The following ERC2 variants were observed in gnomAD, a reference collection of about 807,000 sequenced individuals.
The protein encoded by ERC2 is ERC protein 2.
In ERC2, 42 loss-of-function variants were observed where a neutral mutation model predicts 114.8. The ratio of observed to expected loss-of-function variants is 0.37; its 90% CI spans 0.29 to 0.47. The LOEUF is 0.47. Ranked by LOEUF, ERC2 falls within the 20% of genes least tolerant of loss-of-function variation. ERC2 has a pLI of 0.99. For missense variants in ERC2, 939 were observed against 1,150.7 expected (o/e 0.82, Z 2.66); for synonymous variants, 454 against 425.5 (o/e 1.07, Z -0.82).
intron 13 of ERC2, among the ~76,000 whole-genome samples, chr3:55,904,309 G>T (rs951767821): frequency 1.3e-5 from 2 of 152,142 alleles, no homozygotes; most frequent in Non-Finnish European, 2.9e-5. Context: ...CACACAAGTT[G>T]AAACCATCTA....
intron 2 of ERC2, among the ~76,000 whole-genome samples, chr3:56,410,210 A>G (rs967828824): frequency 1.3e-5 from 2 of 152,244 alleles, no homozygotes; most frequent in Non-Finnish European, 2.9e-5. Flanking sequence ...TGGGATATAT[A>G]TAGAGAGCAA....
At chr3:56,103,741 G>C (rs2078486330) in intron 6 of ERC2, among the ~76,000 whole-genome samples, 1 of 134,622 alleles carries the variant, frequency 7.4e-6, no homozygotes, top group Non-Finnish European at 1.6e-5. Context: ...AAAACTAGAA[G>C]TGTATCTATC....
rs753548634 is a variant in ERC2, at chr3:55,888,475, T to C, written c.2478A>G (p.Thr826=). ...CTTCTTTTTCGGCCAGGGACTGTTG[T>C]GTGGAGGCGAGGCGTGCTTTGGTGG... is the stretch of plus-strand genomic sequence containing the variant. ...LDATKARLAS[T]QQSLAEKEAH... is the part of the protein sequence containing the mutation. The change falls in exon 14 of 18, where the codon ACA becomes ACG. Residue 826 remains threonine (T), a synonymous_variant. Transcript: ENST00000288221. 1.1e-5 allele frequency: 17 copies of C among 1,613,756 alleles called. No individual in the cohort carries two copies. In the Admixed American group the frequency reaches 2.8e-4, roughly 27 times the overall value.
intron 3 of ERC2, among the ~76,000 whole-genome samples, chr3:56,238,291 A>G (rs2051097890): frequency 6.6e-6 from 1 of 152,204 alleles, no homozygotes. Flanking sequence ...ATAGGTGTTT[A>G]GTGTTGAAGT....
intron 6 of ERC2, among the ~76,000 whole-genome samples, chr3:56,095,202 C>T (rs113205829): frequency 3.9e-5 from 6 of 152,112 alleles, no homozygotes; most frequent in African/African-American, 1.4e-4. Flanking sequence ...TGCTCTCCAG[C>T]CTATGCAACA....
chr3:55,625,142 C>T (rs968934880), intron 17 of ERC2, among the ~76,000 whole-genome samples: 5 of 150,458 alleles, frequency 3.3e-5, no homozygotes, highest in African/African-American at 4.9e-5. Context: ...CCGAGGTAGG[C>T]GGATCACTTG....
In ERC2 at chr3:55,920,331, C is replaced by T. The variant is rs2065343131; in HGVS notation, c.2403+30094G>A. Among the ~76,000 whole-genome samples the T allele has an allele frequency of 2.0e-5, 3 of 151,770 alleles. No individual in the cohort carries two copies. In the South Asian group the frequency reaches 6.2e-4, roughly 32 times the overall value. ...TTTCATAATTGGTTTTAAAAAGGCA[C>T]TAAACGAATAAATATTTCATCAACA... On this transcript the variant is annotated intron_variant, in intron 13 of 17. Transcript: ENST00000288221.
At chr3:56,027,118 C>T (rs1190660610) in intron 7 of ERC2, among the ~76,000 whole-genome samples, 1 of 152,190 alleles carries the variant, frequency 6.6e-6, no homozygotes, top group African/African-American at 2.4e-5. Flanking sequence ...CTCTGAAGAT[C>T]CATCAAAGTT....
chr3:56,046,154 TA>T (rs1200307249), intron 7 of ERC2, among the ~76,000 whole-genome samples: 1 of 152,140 alleles, frequency 6.6e-6, no homozygotes, highest in African/African-American at 2.4e-5. Context: ...GAAACATTTT[TA>T]CATCAAACTG....
In ERC2 at chr3:55,958,364, C is replaced by T. The variant is rs976945489; in HGVS notation, c.2268-7804G>A. On this transcript the variant is annotated intron_variant, in intron 12 of 17. Coordinates refer to ENST00000288221, the MANE Select transcript of ERC2 (RefSeq NM_015576.3). ...GGGCTCAGAAGGGAGAAAGTGCATG[C>T]TGATTGTTCCATGGGTGGCCATGGG... Among the ~76,000 whole-genome samples, 12 of 152,174 alleles carry T rather than the reference C, an allele frequency of 7.9e-5. No individual in the cohort carries two copies. The South Asian group carries it at 2.1e-3, about 26-fold the overall frequency.
chr3:55,572,203 G>C (rs915157445), intron 17 of ERC2, among the ~76,000 whole-genome samples: 10 of 152,144 alleles, frequency 6.6e-5, no homozygotes, highest in African/African-American at 2.4e-4. Context: ...GTTCCATCCT[G>C]GCTGCACTTC....
At chr3:55,516,852 T>C (rs2107169931) in intron 17 of ERC2, among the ~76,000 whole-genome samples, 1 of 152,338 alleles carries the variant, frequency 6.6e-6, no homozygotes, top group Middle Eastern at 3.4e-3. Flanking sequence ...GTGTTTTGCA[T>C]TAATTATCTG....
At chr3:55,583,744 C>G (rs2057442315) in intron 17 of ERC2, among the ~76,000 whole-genome samples, 1 of 151,608 alleles carries the variant, frequency 6.6e-6, no homozygotes, top group African/African-American at 2.4e-5. Context: ...GGTGATGGAA[C>G]CAGCCACGTC....
chr3:55,577,660 C>T (rs903183630), intron 17 of ERC2, among the ~76,000 whole-genome samples: 2 of 152,268 alleles, frequency 1.3e-5, no homozygotes, highest in Admixed American at 6.5e-5. Context: ...TCAGGCTGAA[C>T]CCCAAACAGA....
chr3:56,432,591 G>A (rs1238506230), intron 2 of ERC2, among the ~76,000 whole-genome samples: 1 of 152,180 alleles, frequency 6.6e-6, no homozygotes, highest in Admixed American at 6.5e-5. Context: ...AAAAGGATAA[G>A]GTGATTGTTT....
At chr3:55,595,684 T>C (rs1403246170) in intron 17 of ERC2, among the ~76,000 whole-genome samples, 2 of 152,214 alleles carry the variant, frequency 1.3e-5, no homozygotes, top group African/African-American at 4.8e-5. Flanking sequence ...AACTGACAAT[T>C]CAACAGTTTT....
intron 2 of ERC2, among the ~76,000 whole-genome samples, chr3:56,321,303 T>C (rs1238072443): frequency 6.6e-6 from 1 of 151,590 alleles, no homozygotes; most frequent in African/African-American, 2.4e-5. Flanking sequence ...GAATAGAGAA[T>C]AGAATTATAA....
rs369496319 is a variant in ERC2, at chr3:55,696,791, G to C, written c.2847+2587C>G. Among the ~76,000 whole-genome samples the C allele has an allele frequency of 1.7e-4, 26 of 152,300 alleles. No individual in the cohort carries two copies. In the East Asian group the frequency reaches 3.3e-3, roughly 19 times the overall value. On this transcript the variant is annotated intron_variant, in intron 16 of 17. Transcript: ENST00000288221. ...CTAGACCTGGGATGCCCAGTCAAAAGGGGCATCCAGCTCAGGAGATATAGC... is the reference window on the plus strand; with the variant it reads ...CTAGACCTGGGATGCCCAGTCAAAACGGGCATCCAGCTCAGGAGATATAGC...
chr3:56,118,932 G>A (rs1055027180), intron 6 of ERC2, among the ~76,000 whole-genome samples: 2 of 152,116 alleles, frequency 1.3e-5, no homozygotes, highest in Non-Finnish European at 2.9e-5. Flanking sequence ...CACTGTGCCC[G>A]GCCACAGTAA....
Sources: allele counts gnomAD v4.1 joint callset (sites outside exome capture counted in the v4.1 genomes callset), GRCh38; gene constraint gnomAD v4.1.1; transcripts MANE v1.5; gene names NCBI Gene and HGNC (gene_info 2026-07-23, HGNC 2026-07-21).